ITGA11: variants seen among roughly 807,000 people sequenced by gnomAD.
The protein encoded by ITGA11 is integrin subunit alpha 11.
In ITGA11, 97 loss-of-function variants were observed where a neutral mutation model predicts 141.9. The ratio of observed to expected loss-of-function variants is 0.68; its 90% CI spans 0.58 to 0.81. ITGA11 has a LOEUF of 0.81. Among genes scored for constraint, ITGA11 ranks in the 30% least tolerant of loss-of-function variants. ITGA11 has a pLI of 0.00. For missense variants in ITGA11, 1,387 were observed against 1,559.2 expected (o/e 0.89, Z 1.86); for synonymous variants, 658 against 624.6 (o/e 1.05, Z -0.80).
chr15:68,366,223 C>T (rs770561891), intron 3 of ITGA11, among the ~76,000 whole-genome samples: 1 of 152,124 alleles, frequency 6.6e-6, no homozygotes, highest in Non-Finnish European at 1.5e-5. Context: ...TTATCATCTA[C>T]AAAGCACCGC....
intron 5 of ITGA11, 116 bp from the exon 6 acceptor site, chr15:68,358,701 C>T: frequency 3.5e-6 from 4 of 1,157,876 alleles, no homozygotes; most frequent in Non-Finnish European, 4.7e-6. Flanking sequence ...GTGTAATTCC[C>T]TGGGCTGGGA....
At chr15:68,376,239 C>A (rs28723505) in intron 2 of ITGA11, among the ~76,000 whole-genome samples, 1 of 149,976 alleles carries the variant, frequency 6.7e-6, no homozygotes, top group East Asian at 1.9e-4. Context: ...TTTTTTTTTT[C>A]ACCTGGGCTG....
rs1397135370 is a variant in ITGA11, at chr15:68,335,963, T to C, written c.1277-118A>G. On this transcript the variant is annotated intron_variant, in intron 11 of 29. Transcript: ENST00000315757. This position sits in a 1 kb window ranked among gnomAD's most constrained non-coding sequence, Gnocchi z 4.9. ...GCCAGTGATGGGGTAGGTTCAGGGCTAGCTGAGCAGATTCAATCACGCAGG... is the reference window on the plus strand; with the variant it reads ...GCCAGTGATGGGGTAGGTTCAGGGCCAGCTGAGCAGATTCAATCACGCAGG... The C allele has an allele frequency of 1.7e-6, 2 of 1,201,618 alleles. No individual in the cohort carries two copies. Among genetic ancestry groups the C allele is most frequent in the African/African-American group, 3.0e-5 (2 of 66,828 alleles). The allele number at this position is 1,201,618 out of a possible 1,614,324, so 74.4% of individuals were successfully genotyped here.
In ITGA11 at chr15:68,351,324, G is replaced by A; in HGVS notation, c.828C>T (p.Asp276=). ...GGATCACCTTCTCCAGGTCTGGGCT[G>A]TCGTGGGACTCCCCATCTGTGATGA... ...MIVITDGESH[D]SPDLEKVIQQ... The change falls in exon 8 of 30, where the codon GAC becomes GAT. Residue 276 remains aspartate, a synonymous_variant. Coordinates refer to ENST00000315757, the MANE Select transcript of ITGA11 (RefSeq NM_001004439.2). 1 of 1,614,038 alleles carries A rather than the reference G, an allele frequency of 6.2e-7. No homozygotes were observed.
intron 3 of ITGA11, chr15:68,365,584 A>C (rs1218434455): frequency 1.3e-5 from 2 of 148,372 alleles, no homozygotes; most frequent in African/African-American, 2.7e-5. Context: ...GCACGTGTAC[A>C]GGAAGAGGGA....
chr15:68,327,145 C>A (rs1227040095), intron 16 of ITGA11, among the ~76,000 whole-genome samples: 1 of 152,090 alleles, frequency 6.6e-6, no homozygotes, highest in Non-Finnish European at 1.5e-5. Context: ...CTCCCTCCAC[C>A]TTCCCTGTCT....
At chr15:68,332,173 A>C (rs1595863364) in intron 13 of ITGA11, 111 bp from the exon 14 acceptor site, 1 of 1,235,606 alleles carries the variant, frequency 8.1e-7, no homozygotes. Flanking sequence ...ATTCCCCAGA[A>C]CCCCGTCTCT....
At chr15:68,358,046 G>T (rs56144446) in intron 6 of ITGA11, among the ~76,000 whole-genome samples, 11,611 of 152,186 alleles carry the variant, frequency 0.076, 956 homozygotes, top group African/African-American at 0.2. Context: ...CTACCTCCGC[G>T]TTAGCCAGGC....
At chr15:68,402,639 G>T (rs779695851) in intron 2 of ITGA11, among the ~76,000 whole-genome samples, 2 of 152,134 alleles carry the variant, frequency 1.3e-5, no homozygotes, top group African/African-American at 2.4e-5. Flanking sequence ...GTCCCCAGGT[G>T]CCTGCTACCC....
At chr15:68,379,720 C>T (rs1006943826) in intron 2 of ITGA11, among the ~76,000 whole-genome samples, 3 of 152,196 alleles carry the variant, frequency 2.0e-5, no homozygotes, top group Admixed American at 6.5e-5. Flanking sequence ...TTGCAAGATG[C>T]CTGACAAACC....
chr15:68,380,347 C>G (rs1030236455), intron 2 of ITGA11, among the ~76,000 whole-genome samples: 3 of 152,198 alleles, frequency 2.0e-5, no homozygotes, highest in Non-Finnish European at 4.4e-5. Context: ...CCTGCCATCT[C>G]TGAGCCTCAG....
intron 2 of ITGA11, among the ~76,000 whole-genome samples, chr15:68,381,434 T>C (rs1895858409): frequency 6.6e-6 from 1 of 152,088 alleles, no homozygotes; most frequent in African/African-American, 2.4e-5. Context: ...TTTATATGAA[T>C]AAACAAATAA....
intron 11 of ITGA11, among the ~76,000 whole-genome samples, chr15:68,337,796 C>T (rs2140312236): frequency 6.6e-6 from 1 of 152,314 alleles, no homozygotes; most frequent in East Asian, 1.9e-4. Context: ...CTATCCCAAC[C>T]TTCCCTCTCC....
chr15:68,364,012 C>T (rs776303228), intron 4 of ITGA11, among the ~76,000 whole-genome samples: 29 of 152,230 alleles, frequency 1.9e-4, no homozygotes, highest in Non-Finnish European at 3.4e-4. Context: ...TGCTGAATCC[C>T]GGTGCCCAGC....
intron 10 of ITGA11, among the ~76,000 whole-genome samples, chr15:68,347,635 C>A (rs1019439343): frequency 6.6e-6 from 1 of 152,124 alleles, no homozygotes; most frequent in South Asian, 2.1e-4. Flanking sequence ...CTCAGACCCC[C>A]GGAGATTCCC....
chr15:68,308,146 T>C lies in ITGA11; in HGVS notation c.3175-450A>G, dbSNP rs1206958666. On this transcript the variant is annotated intron_variant, in intron 26 of 29. Transcript: ENST00000315757. The surrounding 1 kb of genome is among the most constrained non-coding windows in gnomAD (Gnocchi z 5.2). ...CTTCATAAAGTTCATGGAAAATGTGTATTATGGAAAAATTATGCATGGATT... is the reference window on the plus strand; with the variant it reads ...CTTCATAAAGTTCATGGAAAATGTGCATTATGGAAAAATTATGCATGGATT... Among the ~76,000 whole-genome samples the C allele has an allele frequency of 6.6e-6, 1 of 152,196 alleles. No homozygotes were observed. Among genetic ancestry groups the C allele is most frequent in the East Asian group, 1.9e-4 (1 of 5,196 alleles).
chr15:68,329,451 C>T (rs1309625444), intron 15 of ITGA11, among the ~76,000 whole-genome samples: 15 of 152,212 alleles, frequency 9.9e-5, no homozygotes, highest in Non-Finnish European at 2.2e-4. Context: ...AACTATGGGG[C>T]TTGACCATAG....
rs150384281 is a variant in ITGA11, at chr15:68,358,632, C to T, written c.473-47G>A. 4.0e-4 allele frequency: 622 copies of T among 1,567,446 alleles called. 2 individuals carry two copies. In the African/African-American group the frequency reaches 6.8e-3, roughly 17 times the overall value. ...ATGGCTACCCAAGGAGCAGTGTCTG[C>T]GAGTCTCTGATTCTCTGGACAATTG... On this transcript the variant is annotated intron_variant, in intron 5 of 29. Transcript: ENST00000315757.
chr15:68,332,281 A>T, intron 13 of ITGA11, 57 bp downstream of exon 13: 1 of 1,550,380 alleles, frequency 6.5e-7, no homozygotes, highest in Non-Finnish European at 8.7e-7. Flanking sequence ...TGGCTACCCA[A>T]GTCAAAGCAG....
Sources: allele counts gnomAD v4.1 joint callset (sites outside exome capture counted in the v4.1 genomes callset), GRCh38; gene constraint gnomAD v4.1.1; non-coding constraint Gnocchi (gnomAD v3.1); transcripts MANE v1.5; gene names NCBI Gene and HGNC (gene_info 2026-07-23, HGNC 2026-07-21).